The following UBAC2 variants were observed in gnomAD, a reference collection of about 807,000 sequenced individuals.
UBAC2 encodes the protein UBA domain containing 2.
UBAC2 carries 26 observed loss-of-function variants against 44.0 expected under a neutral mutation model. That is an observed-to-expected ratio of 0.59 (90% CI 0.43 to 0.82). The LOEUF (loss-of-function observed/expected upper bound fraction) is 0.82, where lower values mean the gene tolerates loss of function less well. UBAC2 is among the 40% of genes least tolerant of loss of function. UBAC2 has a pLI of 0.00. For missense variants in UBAC2, 329 were observed against 419.4 expected (o/e 0.78, Z 1.88); for synonymous variants, 155 against 154.3 (o/e 1.00, Z -0.04).
At chr13:99,317,094 C>G (rs2044502522) in intron 5 of UBAC2, among the ~76,000 whole-genome samples, 1 of 152,208 alleles carries the variant, frequency 6.6e-6, no homozygotes, top group African/African-American at 2.4e-5. Context: ...TAGAGCAAAG[C>G]TTGCCAGCCT....
At chr13:99,266,822 C>T (rs757784128) in intron 4 of UBAC2, among the ~76,000 whole-genome samples, 3 of 152,092 alleles carry the variant, frequency 2.0e-5, no homozygotes, top group Non-Finnish European at 4.4e-5. Context: ...AAGCCTGTAC[C>T]CATCATACAG....
intron 1 of UBAC2, among the ~76,000 whole-genome samples, chr13:99,221,297 C>T (rs972038916): frequency 6.6e-6 from 1 of 152,274 alleles, no homozygotes; most frequent in Non-Finnish European, 1.5e-5. Flanking sequence ...TTTTATATTT[C>T]GTTCACAATT....
chr13:99,232,766 A>C (rs796430489), intron 1 of UBAC2, among the ~76,000 whole-genome samples: 6 of 152,062 alleles, frequency 3.9e-5, no homozygotes, highest in African/African-American at 1.4e-4. Flanking sequence ...TACACACACA[A>C]AAAAACAAAA....
At chr13:99,266,780 A>T (rs1026138388) in intron 4 of UBAC2, among the ~76,000 whole-genome samples, 1 of 152,132 alleles carries the variant, frequency 6.6e-6, no homozygotes, top group Admixed American at 6.5e-5. Flanking sequence ...TGTGCAGCCA[A>T]CCTCCAGGAC....
intron 4 of UBAC2, among the ~76,000 whole-genome samples, chr13:99,272,774 A>G (rs2138668446): frequency 6.6e-6 from 1 of 152,222 alleles, no homozygotes; most frequent in East Asian, 1.9e-4. Context: ...CTACCTCCAA[A>G]TACCACCACA....
At chr13:99,356,375 G>C (rs947890475) in intron 7 of UBAC2, 2 of 349,074 alleles carry the variant, frequency 5.7e-6, no homozygotes, top group African/African-American at 4.2e-5. Flanking sequence ...ACGGGGCAGA[G>C]GGCAGCCGAT....
chr13:99,315,004 C>T (rs1399905441), intron 5 of UBAC2, among the ~76,000 whole-genome samples: 3 of 152,162 alleles, frequency 2.0e-5, no homozygotes, highest in Non-Finnish European at 2.9e-5. Context: ...CCTTATCCCA[C>T]GCACTCTAAC....
At chr13:99,325,252 G>T (rs2044624846) in intron 6 of UBAC2, among the ~76,000 whole-genome samples, 1 of 152,000 alleles carries the variant, frequency 6.6e-6, no homozygotes, top group African/African-American at 2.4e-5. Context: ...ACAGGCGCCT[G>T]TCACCATGCC....
chr13:99,294,317 C>A (rs1371223152), intron 4 of UBAC2, among the ~76,000 whole-genome samples: 1 of 152,022 alleles, frequency 6.6e-6, no homozygotes, highest in Non-Finnish European at 1.5e-5. Context: ...GCAAGCAGAC[C>A]CTCCTCCCAA....
At chr13:99,309,140 GTC>G (rs924190724) in intron 4 of UBAC2, among the ~76,000 whole-genome samples, 51 of 151,466 alleles carry the variant, frequency 3.4e-4, no homozygotes, top group African/African-American at 1.1e-3. Flanking sequence ...TTGAGACAGA[GTC>G]TCGCTCTCAC....
chr13:99,254,861 G>A, intron 4 of UBAC2: 3 of 1,588,734 alleles, frequency 1.9e-6, no homozygotes, highest in Non-Finnish European at 2.6e-6. Context: ...GGATTGAAAT[G>A]AAAGAACCTT....
intron 8 of UBAC2, among the ~76,000 whole-genome samples, chr13:99,370,750 C>A (rs1479574966): frequency 6.6e-6 from 1 of 152,174 alleles, no homozygotes; most frequent in Non-Finnish European, 1.5e-5. Context: ...TGATCCAGCC[C>A]CTCCCGCTTG....
intron 4 of UBAC2, among the ~76,000 whole-genome samples, chr13:99,305,391 G>C (rs1366862846): frequency 6.6e-6 from 1 of 152,158 alleles, no homozygotes; most frequent in African/African-American, 2.4e-5. Context: ...GCCACGTCCA[G>C]GGCTGCCTAA....
intron 1 of UBAC2, among the ~76,000 whole-genome samples, chr13:99,207,320 T>C (rs1418430197): frequency 6.6e-6 from 1 of 152,220 alleles, no homozygotes; most frequent in African/African-American, 2.4e-5. Context: ...AATTTTGCCA[T>C]AGTAACTACT....
At chr13:99,241,703 A>G (rs1030286505) in intron 2 of UBAC2, among the ~76,000 whole-genome samples, 1 of 149,566 alleles carries the variant, frequency 6.7e-6, no homozygotes, top group African/African-American at 2.5e-5. Context: ...ACTGAATTGT[A>G]TACTCAATAG....
chr13:99,212,367 A>G (rs2042945278), intron 1 of UBAC2, among the ~76,000 whole-genome samples: 1 of 152,242 alleles, frequency 6.6e-6, no homozygotes, highest in Non-Finnish European at 1.5e-5. Context: ...CCTTATTTAA[A>G]TCATGATTTT....
At chr13:99,287,908 C>T (rs1485566306) in intron 4 of UBAC2, among the ~76,000 whole-genome samples, 2 of 152,102 alleles carry the variant, frequency 1.3e-5, no homozygotes, top group Non-Finnish European at 2.9e-5. Flanking sequence ...ACTTTCATTA[C>T]TCTCTTGAAC....
intron 7 of UBAC2, among the ~76,000 whole-genome samples, chr13:99,343,375 TC>T (rs538925639): frequency 6.5e-5 from 6 of 92,610 alleles, no homozygotes; most frequent in Non-Finnish European, 1.6e-4. Flanking sequence ...ACGGTGTCTT[TC>T]CCCCCAGATA....
At chr13:99,332,213 A>G (rs994280760) in intron 6 of UBAC2, among the ~76,000 whole-genome samples, 2 of 152,202 alleles carry the variant, frequency 1.3e-5, no homozygotes, top group African/African-American at 4.8e-5. Flanking sequence ...TGTCATTGCA[A>G]AGTCATAGTT....
Sources: allele counts gnomAD v4.1 joint callset (sites outside exome capture counted in the v4.1 genomes callset), GRCh38; gene constraint gnomAD v4.1.1; transcripts MANE v1.5; gene names NCBI Gene and HGNC (gene_info 2026-07-23, HGNC 2026-07-21).